Variants in ST8SIA5 observed in about 807,000 individuals in gnomAD.
ST8SIA5 encodes ST8 alpha-N-acetyl-neuraminide alpha-2,8-sialyltransferase 5.
ST8SIA5 carries 24 observed loss-of-function variants against 40.2 expected under a neutral mutation model. The ratio of observed to expected loss-of-function variants is 0.60; its 90% confidence interval spans 0.43 to 0.84. ST8SIA5 has a LOEUF of 0.84. Among genes scored for constraint, ST8SIA5 ranks in the 40% least tolerant of loss-of-function variants. ST8SIA5 has a pLI of 0.00. For synonymous variants in ST8SIA5, 198 were observed against 201.8 expected (o/e 0.98, Z 0.16); for missense variants, 465 against 498.5 (o/e 0.93, Z 0.64).
chr18:46,731,934 C>T (rs1394374642), intron 1 of ST8SIA5: 2 of 152,190 alleles, frequency 1.3e-5, no homozygotes, highest in East Asian at 3.9e-4. Flanking sequence ...CAAATTCAAA[C>T]CTGGGCATGA....
rs2039321390 is a variant in ST8SIA5 at position 46,673,522 on chromosome 18, AC to A, written c.*6519del. On this transcript the variant is annotated 3_prime_UTR_variant, in exon 7 of 7. Transcript: ENST00000315087. ...GCTCAGGGAACAGATAGGGCCTCAC[AC>A]ATGCTGATTCCCAGGCGCCACCTCT... 1 of 152,046 alleles carries A rather than the reference AC, an allele frequency of 6.6e-6. No homozygotes were observed. The highest frequency in any genetic ancestry group is 1.5e-5 in the Non-Finnish European group (1 of 68,024). The allele number at this position is 152,046 out of a possible 1,614,324, so 9.4% of individuals were successfully genotyped here. A position where few individuals can be genotyped will look rare whatever the true frequency, so the allele number is the denominator to read the frequency against.
At chr18:46,724,004 G>A (rs1436153871) in intron 1 of ST8SIA5, among the ~76,000 whole-genome samples, 1 of 152,098 alleles carries the variant, frequency 6.6e-6, no homozygotes, top group African/African-American at 2.4e-5. Flanking sequence ...AAGGGAATGG[G>A]GCAGCAGATG....
intron 3 of ST8SIA5, 165 bp from the exon 4 acceptor site, chr18:46,689,084 C>T: frequency 2.8e-6 from 2 of 720,412 alleles, no homozygotes; most frequent in Non-Finnish European, 4.3e-6. Context: ...TCCTGCCCAC[C>T]CATCCCACAC....
chr18:46,693,901 C>T (rs1039842172), intron 2 of ST8SIA5, among the ~76,000 whole-genome samples: 2 of 152,212 alleles, frequency 1.3e-5, no homozygotes, highest in Non-Finnish European at 2.9e-5. Context: ...ATTACCTATC[C>T]CTATCTTTAG....
chr18:46,688,676 G>A (rs971998742), intron 4 of ST8SIA5, 99 bp downstream of exon 4: 59 of 1,455,158 alleles, frequency 4.1e-5, no homozygotes, highest in South Asian at 9.5e-5. Flanking sequence ...CCAGAGGACC[G>A]TGAGTGAGTC....
chr18:46,741,446 T>C (rs943542027), intron 1 of ST8SIA5, among the ~76,000 whole-genome samples: 2 of 152,204 alleles, frequency 1.3e-5, no homozygotes, highest in African/African-American at 4.8e-5. Flanking sequence ...AGGTGAGGTC[T>C]ACCAAACATT....
Position 46,756,639 on chromosome 18 carries a change from G to A in ST8SIA5, c.-131C>T. 2 of 1,131,424 alleles carry A rather than the reference G, an allele frequency of 1.8e-6. No individual in the cohort carries two copies. Among genetic ancestry groups the A allele is most frequent in the Non-Finnish European group, 2.4e-6 (2 of 820,068 alleles). The allele number at this position is 1,131,424 out of a possible 1,614,324, so 70.1% of individuals were successfully genotyped here. ...CGGTCAGGCAGGCGGGGGACTTCGA[G>A]GGGCAAAGTTTCTGGTTGGCGCGGC... is the stretch of plus-strand genomic sequence containing the variant. On this transcript the variant is annotated 5_prime_UTR_variant, in exon 1 of 7. Transcript: ENST00000315087.
chr18:46,687,277 A>T (rs534171418), intron 4 of ST8SIA5, among the ~76,000 whole-genome samples: 40 of 152,286 alleles, frequency 2.6e-4, no homozygotes, highest in Non-Finnish European at 4.1e-4. Flanking sequence ...GAACATAGCC[A>T]CTCTCATTGG....
At chr18:46,690,000 T>C (rs1027754555) in intron 3 of ST8SIA5, among the ~76,000 whole-genome samples, 1 of 152,148 alleles carries the variant, frequency 6.6e-6, no homozygotes, top group Non-Finnish European at 1.5e-5. Context: ...TTTCAGAATG[T>C]AACAGAAGCT....
In ST8SIA5 at chr18:46,756,556, T is replaced by C. The variant is rs751521966; in HGVS notation, c.-48A>G. 5 of 1,600,392 alleles carry C rather than the reference T, an allele frequency of 3.1e-6. No individual in the cohort carries two copies. The Admixed American group carries it at 8.5e-5, about 27-fold the overall frequency. Reference sequence around the variant, plus strand: ...CGCGGGGTACGGGGCGGCCAGGCAATGACTCGCGGGGTTCCGGGGCCCCGG... The same window carrying C: ...CGCGGGGTACGGGGCGGCCAGGCAACGACTCGCGGGGTTCCGGGGCCCCGG... On this transcript the variant is annotated 5_prime_UTR_variant, in exon 1 of 7. Coordinates refer to ENST00000315087, the MANE Select transcript of ST8SIA5 (RefSeq NM_013305.6).
At chr18:46,738,930 C>T (rs2040061478) in intron 1 of ST8SIA5, among the ~76,000 whole-genome samples, 1 of 152,176 alleles carries the variant, frequency 6.6e-6, no homozygotes, top group Non-Finnish European at 1.5e-5. Context: ...CAGCTTTTTG[C>T]CCTGAAGGTG....
intron 1 of ST8SIA5, among the ~76,000 whole-genome samples, chr18:46,709,062 G>C (rs572832926): frequency 2.0e-5 from 3 of 152,082 alleles, no homozygotes; most frequent in African/African-American, 7.2e-5. Flanking sequence ...TTTTTGGTCC[G>C]TACTGCTCTA....
intron 1 of ST8SIA5, chr18:46,721,549 C>T: frequency 1.6e-6 from 2 of 1,213,420 alleles, no homozygotes; most frequent in Non-Finnish European, 2.3e-6. Flanking sequence ...CATTCTGTTG[C>T]TGTGCCCAAG....
At position 46,679,746 on chromosome 18, in the gene ST8SIA5, G is replaced by A; in HGVS notation, c.*296C>T. 4.6e-6 allele frequency: 2 copies of A among 436,158 alleles called. No individual in the cohort carries two copies. Among genetic ancestry groups the A allele is most frequent in the South Asian group, 6.3e-5 (2 of 31,838 alleles). 27.0% of individuals were successfully genotyped at this position (436,158 alleles called of 1,614,324 possible). A position where few individuals can be genotyped will look rare whatever the true frequency, so the allele number is the denominator to read the frequency against. The stretch of plus-strand genomic sequence containing the variant: ...TGGAAATGTGCTTTATTCACTTGCC[G>A]TCCCCAGGGCCCCTGATCTTGGGGT... On this transcript the variant is annotated 3_prime_UTR_variant, in exon 7 of 7. Coordinates refer to ENST00000315087, the MANE Select transcript of ST8SIA5 (RefSeq NM_013305.6).
At chr18:46,710,226 A>G (rs1784125763) in intron 1 of ST8SIA5, among the ~76,000 whole-genome samples, 1 of 152,184 alleles carries the variant, frequency 6.6e-6, no homozygotes, top group Non-Finnish European at 1.5e-5. Flanking sequence ...CTAAGTGAGA[A>G]GACAAATGCA....
chr18:46,694,306 T>G lies in ST8SIA5; in HGVS notation c.225-2051A>C, dbSNP rs565902770. 3.9e-5 allele frequency among the ~76,000 whole-genome samples: 6 copies of G among 152,338 alleles called. No homozygotes were observed. The East Asian group carries it at 1.2e-3, about 29-fold the overall frequency. ...GCTGAGCTAAATAAAGTTAAATGCTTTTCTTTACTGCAAGACTTCTCAGAT... is the reference window on the plus strand; with the variant it reads ...GCTGAGCTAAATAAAGTTAAATGCTGTTCTTTACTGCAAGACTTCTCAGAT... On this transcript the variant is annotated intron_variant, in intron 2 of 6. Coordinates refer to ENST00000315087, the MANE Select transcript of ST8SIA5 (RefSeq NM_013305.6).
At chr18:46,714,692 A>G (rs997687673) in intron 1 of ST8SIA5, among the ~76,000 whole-genome samples, 6 of 152,138 alleles carry the variant, frequency 3.9e-5, no homozygotes, top group African/African-American at 1.4e-4. Context: ...GGGGGGGAAG[A>G]GACCCCCTCA....
At chr18:46,702,016 A>T (rs2039621959) in intron 2 of ST8SIA5, among the ~76,000 whole-genome samples, 2 of 151,974 alleles carry the variant, frequency 1.3e-5, no homozygotes, top group Admixed American at 1.3e-4. Context: ...GCACAGTGGC[A>T]GGCACCTGTA....
At chr18:46,715,444 AGAAGATAGAAAGTG>A (rs2039778257) in intron 1 of ST8SIA5, among the ~76,000 whole-genome samples, 1 of 152,220 alleles carries the variant, frequency 6.6e-6, no homozygotes, top group Non-Finnish European at 1.5e-5. Flanking sequence ...AGGAGGACAC[AGAAGATAGAAAGTG>A]GAAGAGATAG....
Sources: gnomAD v4.1 joint callset for allele counts (sites outside exome capture counted in the v4.1 genomes callset) on GRCh38, gnomAD v4.1.1 for gene constraint, MANE v1.5 for transcripts, NCBI Gene and HGNC (gene_info 2026-07-23, HGNC 2026-07-21) for gene names.